Variants in CNKSR2 observed in about 807,000 individuals in gnomAD.
CNKSR2 encodes CNK homolog protein 2.
In CNKSR2, 14 loss-of-function variants were observed where a neutral mutation model predicts 84.4. The ratio of observed to expected loss-of-function variants is 0.17; its 90% confidence interval spans 0.11 to 0.26. CNKSR2 has a LOEUF of 0.26. Ranked by LOEUF, CNKSR2 falls within the 10% of genes least tolerant of loss-of-function variation. CNKSR2 has a pLI of 1.00. For missense variants in CNKSR2, 485 were observed against 771.2 expected (o/e 0.63, Z 4.40); for synonymous variants, 275 against 277.9 (o/e 0.99, Z 0.10).
At position 21,501,605 on chromosome X, in the gene CNKSR2, TA is replaced by T; in HGVS notation, c.810+19del. 1.0e-6 allele frequency: 1 copy of T among 963,521 alleles called. No homozygotes were observed. Among genetic ancestry groups the T allele is most frequent in the Non-Finnish European group, 1.4e-6 (1 of 697,421 alleles). 79.4% of individuals were successfully genotyped at this position (963,521 alleles called of 1,213,427 possible). On this transcript the variant is annotated intron_variant, in intron 8 of 21. Coordinates refer to ENST00000379510, the MANE Select transcript of CNKSR2 (RefSeq NM_014927.5). ...CAGACTGTGGTATGTATAATTAACTTAAGAGTCAGTGGGAGGAACTAATTTT... is the reference window on the plus strand; with the variant it reads ...CAGACTGTGGTATGTATAATTAACTTAGAGTCAGTGGGAGGAACTAATTTT...
At chrX:21,551,166 G>A (rs2092087448) in intron 11 of CNKSR2, among the ~76,000 whole-genome samples, 1 of 110,697 alleles carries the variant, frequency 9.0e-6, no homozygotes, top group Non-Finnish European at 1.9e-5. Flanking sequence ...GTTGAACAAT[G>A]AAAACACATG....
chrX:21,536,301 G>A (rs769650142), intron 11 of CNKSR2, among the ~76,000 whole-genome samples: 1 of 111,131 alleles, frequency 9.0e-6, no homozygotes, highest in Non-Finnish European at 1.9e-5. Flanking sequence ...ATTCATGAGG[G>A]ATATTGGTCT....
chrX:21,438,735 G>A (rs1055444562), intron 3 of CNKSR2, among the ~76,000 whole-genome samples: 1 of 110,957 alleles, frequency 9.0e-6, no homozygotes, highest in Non-Finnish European at 1.9e-5. Flanking sequence ...GACAAGCTGG[G>A]AAAAATATTT....
intron 13 of CNKSR2, among the ~76,000 whole-genome samples, chrX:21,565,735 C>T (rs1373934416): frequency 1.8e-5 from 2 of 111,173 alleles, no homozygotes; most frequent in Non-Finnish European, 3.8e-5. Flanking sequence ...CCCCCAAGTG[C>T]GTATTGGATA....
At chrX:21,522,162 A>G (rs2091790936) in intron 9 of CNKSR2, among the ~76,000 whole-genome samples, 1 of 111,177 alleles carries the variant, frequency 9.0e-6, no homozygotes, top group Non-Finnish European at 1.9e-5. Context: ...GTTGGGAATT[A>G]AAAATGTGTT....
chrX:21,617,028 G>A (rs1392726547), intron 20 of CNKSR2, among the ~76,000 whole-genome samples: 2 of 111,789 alleles, frequency 1.8e-5, no homozygotes, highest in African/African-American at 6.5e-5. Flanking sequence ...CAGAAGATGT[G>A]GCCAGAAGAG....
At chrX:21,582,655 A>T (rs1186187116) in intron 13 of CNKSR2, among the ~76,000 whole-genome samples, 2 of 112,028 alleles carry the variant, frequency 1.8e-5, no homozygotes, top group African/African-American at 6.5e-5. Context: ...CATATGTATT[A>T]TAAGGATTAA....
chrX:21,443,499 A>G (rs758809191), intron 4 of CNKSR2, among the ~76,000 whole-genome samples: 79 of 111,304 alleles, frequency 7.1e-4, no homozygotes, highest in Admixed American at 1.4e-3. Flanking sequence ...TCCTCTCTAA[A>G]CTGTATTTAT....
intron 1 of CNKSR2, among the ~76,000 whole-genome samples, chrX:21,387,891 A>T (rs1027830647): frequency 9.0e-6 from 1 of 111,211 alleles, no homozygotes; most frequent in African/African-American, 3.3e-5. Context: ...AAAATAATTG[A>T]TATTTTTCCT....
At chrX:21,420,788 C>T (rs1179028568) in intron 1 of CNKSR2, among the ~76,000 whole-genome samples, 1 of 110,270 alleles carries the variant, frequency 9.1e-6, no homozygotes, top group African/African-American at 3.3e-5. Context: ...CCTGTTTTCT[C>T]CTCAAGCGGA....
intron 5 of CNKSR2, among the ~76,000 whole-genome samples, chrX:21,478,053 A>G (rs928219759): frequency 1.8e-5 from 2 of 111,391 alleles, no homozygotes; most frequent in Non-Finnish European, 3.8e-5. Flanking sequence ...GAACATATAA[A>G]TTATGGTCAG....
At chrX:21,495,045 C>G (rs187267440) in intron 6 of CNKSR2, 4 of 112,335 alleles carry the variant, frequency 3.6e-5, no homozygotes, top group East Asian at 5.6e-4. Context: ...CTAAAGTGGT[C>G]TTAGTCTTTT....
chrX:21,559,119 A>G (rs1034257127), intron 11 of CNKSR2, among the ~76,000 whole-genome samples: 9 of 111,511 alleles, frequency 8.1e-5, no homozygotes, highest in Admixed American at 6.7e-4. Context: ...TTCGATGGGC[A>G]GAATATTGAC....
intron 1 of CNKSR2, chrX:21,426,148 G>A (rs747236366): frequency 1.2e-5 from 2 of 168,004 alleles, no homozygotes; most frequent in East Asian, 3.5e-4. Flanking sequence ...GTTTAAGTAA[G>A]AAAGTAAGAA....
chrX:21,613,962 GA>G lies in CNKSR2; in HGVS notation c.2692+4353del, dbSNP rs1053397566. Among the ~76,000 whole-genome samples the G allele has an allele frequency of 5.7e-5, 6 of 105,984 alleles. No individual in the cohort carries two copies. The South Asian group carries it at 2.4e-3, about 43-fold the overall frequency. 92.0% of individuals were successfully genotyped at this position (105,984 alleles called of 115,157 possible). ...TCCAAAAAAAAAAAAAAGAAAGAAA[GA>G]AAAAAAATTAGCCGGTCTTATAACC... On this transcript the variant is annotated intron_variant, in intron 20 of 21. Transcript: ENST00000379510.
chrX:21,591,238 T>C (rs1394700149), intron 15 of CNKSR2, 44 bp downstream of exon 15: 1 of 1,027,419 alleles, frequency 9.7e-7, no homozygotes, highest in Non-Finnish European at 1.3e-6. Context: ...TCTCTATCTT[T>C]AATCAAAAGA....
intron 4 of CNKSR2, among the ~76,000 whole-genome samples, chrX:21,465,245 A>G (rs967587130): frequency 9.0e-6 from 1 of 111,676 alleles, no homozygotes; most frequent in African/African-American, 3.3e-5. Flanking sequence ...TACTTAATGA[A>G]ATTGTGATGG....
intron 8 of CNKSR2, among the ~76,000 whole-genome samples, chrX:21,502,819 A>G (rs1052221876): frequency 1.8e-5 from 2 of 111,648 alleles, no homozygotes; most frequent in African/African-American, 6.5e-5. Context: ...TTTCCACACT[A>G]TGACAGTTTT....
In CNKSR2 at chrX:21,492,377, T is replaced by G. The variant is rs767934175; in HGVS notation, c.681+1799T>G. The G allele has an allele frequency of 1.1e-3, 120 of 111,111 alleles. 1 individual carries two copies. Among genetic ancestry groups the G allele is most frequent in the African/African-American group, 3.7e-3 (112 of 30,651 alleles). The allele number at this position is 111,111 out of a possible 1,213,427, so 9.2% of individuals were successfully genotyped here. ...GAGAAAAGAAATGAATGCCCATCAC[T>G]TGCCAGGTATTTTTCTCACACCTCT... On this transcript the variant is annotated intron_variant, in intron 6 of 21. Coordinates refer to ENST00000379510, the MANE Select transcript of CNKSR2 (RefSeq NM_014927.5).
Sources: gnomAD v4.1 joint callset for allele counts (sites outside exome capture counted in the v4.1 genomes callset) on GRCh38, gnomAD v4.1.1 for gene constraint, MANE v1.5 for transcripts, NCBI Gene and HGNC (gene_info 2026-07-23, HGNC 2026-07-21) for gene names.